The following SIPA1L3 variants were observed in gnomAD, a reference collection of about 807,000 sequenced individuals.
SIPA1L3 encodes signal induced proliferation associated 1 like 3, also known as signal-induced proliferation-associated 1-like protein 3.
A neutral mutation model predicts 150.1 loss-of-function variants in SIPA1L3; 59 were observed. The ratio of observed to expected loss-of-function variants is 0.39; its 90% CI spans 0.32 to 0.49. The LOEUF (loss-of-function observed/expected upper bound fraction) is 0.49, where lower values mean the gene tolerates loss of function less well. SIPA1L3 is among the 20% of genes least tolerant of loss of function. The pLI is 0.86. For missense variants in SIPA1L3, 2,211 were observed against 2,489.5 expected (o/e 0.89, Z 2.38); for synonymous variants, 1,070 against 1,077.6 (o/e 0.99, Z 0.14).
intron 1 of SIPA1L3, among the ~76,000 whole-genome samples, chr19:37,933,980 G>A (rs894141757): frequency 1.3e-5 from 2 of 152,208 alleles, no homozygotes. Flanking sequence ...GAGTGCCTGG[G>A]AAGTAGCAAT....
intron 2 of SIPA1L3, among the ~76,000 whole-genome samples, chr19:38,035,210 C>T (rs1428191644): frequency 1.3e-5 from 2 of 152,218 alleles, no homozygotes; most frequent in Non-Finnish European, 2.9e-5. Context: ...ACTCTCACGA[C>T]AGCTCTCCTT....
At chr19:37,934,430 T>C (rs1399845325) in intron 1 of SIPA1L3, among the ~76,000 whole-genome samples, 1 of 152,156 alleles carries the variant, frequency 6.6e-6, no homozygotes, top group Non-Finnish European at 1.5e-5. Flanking sequence ...ACTTATTTCA[T>C]GTAATGCCTG....
intron 2 of SIPA1L3, among the ~76,000 whole-genome samples, chr19:38,030,787 G>C (rs1406757522): frequency 1.3e-5 from 2 of 151,990 alleles, no homozygotes; most frequent in African/African-American, 4.8e-5. Context: ...TGGGCCCCCA[G>C]CTGCATGTCA....
At chr19:37,985,275 C>T (rs567655649) in intron 1 of SIPA1L3, among the ~76,000 whole-genome samples, 13 of 151,458 alleles carry the variant, frequency 8.6e-5, no homozygotes, top group Non-Finnish European at 1.6e-4. Flanking sequence ...TGGCTCACTG[C>T]AGCCTCAACC....
At chr19:37,936,838 A>G (rs188293934) in intron 1 of SIPA1L3, among the ~76,000 whole-genome samples, 6 of 152,346 alleles carry the variant, frequency 3.9e-5, no homozygotes, top group Admixed American at 3.9e-4. Flanking sequence ...TTGACAGCAG[A>G]ATAAAACATG....
At chr19:38,061,116 G>C (rs1969437083) in intron 2 of SIPA1L3, among the ~76,000 whole-genome samples, 1 of 152,194 alleles carries the variant, frequency 6.6e-6, no homozygotes, top group African/African-American at 2.4e-5. Flanking sequence ...TCAGGGTGGG[G>C]TAAGAATGGG....
chr19:38,014,944 C>T (rs1287587624), intron 1 of SIPA1L3, among the ~76,000 whole-genome samples: 1 of 152,140 alleles, frequency 6.6e-6, no homozygotes, highest in Non-Finnish European at 1.5e-5. Flanking sequence ...GCTGGGATTA[C>T]AGGTGTGAGC....
chr19:38,038,093 G>A (rs964646158), intron 2 of SIPA1L3, among the ~76,000 whole-genome samples: 3 of 152,200 alleles, frequency 2.0e-5, no homozygotes, highest in Admixed American at 2.0e-4. Context: ...CAGTGTGAGA[G>A]TAAGGAGGAA....
intron 2 of SIPA1L3, among the ~76,000 whole-genome samples, chr19:38,051,001 G>A (rs1177542404): frequency 1.3e-5 from 2 of 152,180 alleles, no homozygotes; most frequent in Admixed American, 1.3e-4. Flanking sequence ...GGAGGTTGCA[G>A]TGAGCCAAGA....
intron 12 of SIPA1L3, among the ~76,000 whole-genome samples, chr19:38,149,840 A>T (rs570849116): frequency 1.2e-4 from 18 of 152,308 alleles, no homozygotes; most frequent in South Asian, 4.1e-4. Context: ...TACAGTTGGG[A>T]TTCTGTTACC....
At chr19:38,128,943 T>G (rs1464230414) in intron 9 of SIPA1L3, among the ~76,000 whole-genome samples, 1 of 152,142 alleles carries the variant, frequency 6.6e-6, no homozygotes, top group Non-Finnish European at 1.5e-5. Context: ...GAGAAAAGTA[T>G]GAAAGCGGGC....
chr19:37,973,534 C>CAAAA (rs59279280), intron 1 of SIPA1L3, among the ~76,000 whole-genome samples: 1 of 51,508 alleles, frequency 1.9e-5, no homozygotes, highest in African/African-American at 8.8e-5. Flanking sequence ...TGTGCCTGGC[C>CAAAA]AAAAAAAAAA....
In SIPA1L3 at chr19:38,082,813, C is replaced by T. The variant is rs945868321; in HGVS notation, c.1248C>T (p.Gly416=). 3.1e-6 allele frequency: 5 copies of T among 1,613,662 alleles called. No homozygotes were observed. The highest frequency in any genetic ancestry group is 1.1e-5 in the South Asian group (1 of 91,086). Residue 416 remains glycine (G), a synonymous_variant, in exon 3 of 22, where the codon GGC becomes GGT. Coordinates refer to ENST00000222345, the MANE Select transcript of SIPA1L3 (RefSeq NM_015073.3). ...NCKENLEQDL[G]DDNSNDLLLS... is the part of the protein sequence containing the mutation. ...AGGAGAACTTGGAGCAGGACCTCGG[C>T]GATGACAACAGCAACGACCTGCTGC...
chr19:38,089,521 G>C (rs1327044773), intron 4 of SIPA1L3, among the ~76,000 whole-genome samples: 1 of 152,094 alleles, frequency 6.6e-6, no homozygotes, highest in Non-Finnish European at 1.5e-5. Context: ...AGGAACATGA[G>C]GTGTCCTACG....
rs1320146070 is a variant in SIPA1L3 at position 38,082,172 on chromosome 19, G to A, written c.607G>A (p.Gly203Arg). Residue 203 changes from glycine (G) to arginine (R), a missense_variant, in exon 3 of 22, where the codon GGG (glycine) becomes AGG (arginine). By Grantham distance (125) the Gly-to-Arg change is moderately radical. Coordinates refer to ENST00000222345, the MANE Select transcript of SIPA1L3 (RefSeq NM_015073.3). ...TGALPLFREYGSTSSIDVQGM... is the reference protein window; with the variant it reads ...TGALPLFREYRSTSSIDVQGM... ...GGCGCTGCCCCTCTTCCGCGAGTACGGGAGCACCTCGTCCATCGACGTGCA... is the reference window on the plus strand; with the variant it reads ...GGCGCTGCCCCTCTTCCGCGAGTACAGGAGCACCTCGTCCATCGACGTGCA... 2.5e-6 allele frequency: 4 copies of A among 1,604,908 alleles called. No individual in the cohort carries two copies. Among genetic ancestry groups the A allele is most frequent in the Middle Eastern group, 1.6e-4 (1 of 6,084 alleles).
At chr19:38,111,983 ACAGG>A (rs1381097155) in intron 8 of SIPA1L3, among the ~76,000 whole-genome samples, 1 of 144,178 alleles carries the variant, frequency 6.9e-6, no homozygotes, top group African/African-American at 2.7e-5. Flanking sequence ...ACACATGCAC[ACAGG>A]CACACACCTG....
chr19:38,048,254 T>C (rs547277358), intron 2 of SIPA1L3, among the ~76,000 whole-genome samples: 1 of 152,284 alleles, frequency 6.6e-6, no homozygotes, highest in East Asian at 1.9e-4. Flanking sequence ...AGACATGTGA[T>C]GTGTTCTAGA....
intron 1 of SIPA1L3, among the ~76,000 whole-genome samples, chr19:37,956,949 C>G (rs984329741): frequency 1.3e-5 from 2 of 152,098 alleles, no homozygotes; most frequent in African/African-American, 4.8e-5. Context: ...TTGAATCTAT[C>G]ATTAATTTTG....
chr19:38,082,581 G>T lies in SIPA1L3; in HGVS notation c.1016G>T (p.Ser339Ile), dbSNP rs768087986. 6.2e-7 allele frequency: 1 copy of T among 1,604,520 alleles called. No individual in the cohort carries two copies. Among genetic ancestry groups the T allele is most frequent in the South Asian group, 1.1e-5 (1 of 91,074 alleles). The change falls in exon 3 of 22, where the codon AGC becomes ATC. Residue 339 changes from serine to isoleucine, a missense_variant. Ser to Ile is a moderately radical substitution (Grantham distance 142, BLOSUM62 -2). Coordinates refer to ENST00000222345, the MANE Select transcript of SIPA1L3 (RefSeq NM_015073.3). ...AGCAGGCCGTGGGTGTGTCAGAAGAGCTTCGCCCACTTCGACGTGCAGAGC... is the reference window on the plus strand; with the variant it reads ...AGCAGGCCGTGGGTGTGTCAGAAGATCTTCGCCCACTTCGACGTGCAGAGC... The part of the protein sequence containing the change: ...EASRPWVCQK[S>I]FAHFDVQSML...
Sources: gnomAD v4.1 joint callset for allele counts (sites outside exome capture counted in the v4.1 genomes callset) on GRCh38, gnomAD v4.1.1 for gene constraint, MANE v1.5 for transcripts, NCBI Gene and HGNC (gene_info 2026-07-23, HGNC 2026-07-21) for gene names.